The following CTNND2 variants were observed in gnomAD, a reference collection of about 807,000 sequenced individuals.
The protein encoded by CTNND2 is catenin delta-2.
Under a neutral mutation model 144.4 loss-of-function variants are expected in CTNND2, and 22 were observed. That is an observed-to-expected ratio of 0.15 (90% confidence interval 0.11 to 0.22). The LOEUF (loss-of-function observed/expected upper bound fraction) is 0.22, where lower values mean the gene tolerates loss of function less well. Among genes scored for constraint, CTNND2 ranks in the 10% least tolerant of loss-of-function variants. The probability of loss-of-function intolerance (pLI) is 1.00; values close to 1 mark genes in which losing one functional copy is unlikely to be tolerated. For missense variants in CTNND2, 1,353 were observed against 1,618.8 expected, an observed-to-expected ratio of 0.84 and a Z score of 2.82; for synonymous variants, 751 against 695.6, an observed-to-expected ratio of 1.08 and a Z score of -1.25.
chr5:11,896,967 A>C (rs1224082435), intron 1 of CTNND2, among the ~76,000 whole-genome samples: 2 of 152,190 alleles, frequency 1.3e-5, no homozygotes, highest in Non-Finnish European at 2.9e-5. Context: ...AATCTGATCC[A>C]GATGCTACAA....
At chr5:11,189,951 T>G (rs1450074466) in intron 11 of CTNND2, among the ~76,000 whole-genome samples, 1 of 152,076 alleles carries the variant, frequency 6.6e-6, no homozygotes, top group African/African-American at 2.4e-5. Context: ...TGCTGAGGGT[T>G]GTAAGTTTTT....
chr5:11,526,960 T>A (rs1773307387), intron 3 of CTNND2, among the ~76,000 whole-genome samples: 1 of 152,168 alleles, frequency 6.6e-6, no homozygotes, highest in Non-Finnish European at 1.5e-5. Context: ...CTTAATGACA[T>A]GCTAAGTGAA....
intron 1 of CTNND2, among the ~76,000 whole-genome samples, chr5:11,771,191 G>T (rs1477854097): frequency 5.6e-5 from 1 of 18,002 alleles, no homozygotes; most frequent in Non-Finnish European, 1.4e-4. Context: ...CACATTGTTA[G>T]CTTTTTTTTT....
At chr5:10,987,127 T>A (rs1267575641) in intron 20 of CTNND2, among the ~76,000 whole-genome samples, 1 of 152,134 alleles carries the variant, frequency 6.6e-6, no homozygotes, top group Non-Finnish European at 1.5e-5. Flanking sequence ...GGATGTGGGG[T>A]CCCCGTTGAA....
chr5:11,217,264 A>C (rs1386905675), intron 10 of CTNND2, among the ~76,000 whole-genome samples: 17 of 152,244 alleles, frequency 1.1e-4, no homozygotes, highest in Admixed American at 1.1e-3. Flanking sequence ...TTTTCAGATG[A>C]GTCATTCAAG....
chr5:11,451,301 A>G (rs918302426), intron 3 of CTNND2, among the ~76,000 whole-genome samples: 2 of 152,134 alleles, frequency 1.3e-5, no homozygotes, highest in Non-Finnish European at 2.9e-5. Context: ...GCATCACATT[A>G]CCCCAACATT....
intron 18 of CTNND2, among the ~76,000 whole-genome samples, chr5:11,011,339 G>A (rs1326211030): frequency 6.6e-6 from 1 of 152,012 alleles, no homozygotes; most frequent in African/African-American, 2.4e-5. Flanking sequence ...TCTGCCTCCC[G>A]AGTAGCTGGG....
At chr5:11,731,386 CA>C (rs1404664297) in intron 2 of CTNND2, among the ~76,000 whole-genome samples, 1 of 152,164 alleles carries the variant, frequency 6.6e-6, no homozygotes, top group Non-Finnish European at 1.5e-5. Flanking sequence ...GGTAAGTTGC[CA>C]ATTCAGCATC....
At chr5:11,721,121 T>A (rs917395146) in intron 2 of CTNND2, among the ~76,000 whole-genome samples, 1 of 152,196 alleles carries the variant, frequency 6.6e-6, no homozygotes, top group African/African-American at 2.4e-5. Flanking sequence ...TACAGTGGAA[T>A]ATTATTTGGC....
At chr5:11,202,953 T>TG (rs1268264314) in intron 10 of CTNND2, among the ~76,000 whole-genome samples, 1 of 152,114 alleles carries the variant, frequency 6.6e-6, no homozygotes, top group Non-Finnish European at 1.5e-5. Flanking sequence ...TACAGGCACA[T>TG]GCCATCACGT....
intron 3 of CTNND2, among the ~76,000 whole-genome samples, chr5:11,496,467 C>T (rs184592750): frequency 2.6e-4 from 40 of 152,272 alleles, no homozygotes; most frequent in African/African-American, 8.7e-4. Flanking sequence ...ATGCACATGA[C>T]GCAGAAAATA....
intron 8 of CTNND2, among the ~76,000 whole-genome samples, chr5:11,361,716 T>C (rs1367918438): frequency 6.6e-6 from 1 of 152,232 alleles, no homozygotes; most frequent in African/African-American, 2.4e-5. Flanking sequence ...TACCACCATC[T>C]TTTTCTATCT....
intron 3 of CTNND2, among the ~76,000 whole-genome samples, chr5:11,455,555 G>A (rs78503907): frequency 1.3e-5 from 2 of 152,142 alleles, no homozygotes; most frequent in African/African-American, 4.8e-5. Flanking sequence ...AGATTAAATG[G>A]CAAGACATGA....
intron 3 of CTNND2, among the ~76,000 whole-genome samples, chr5:11,446,824 G>A (rs1192836486): frequency 6.6e-6 from 1 of 152,084 alleles, no homozygotes; most frequent in African/African-American, 2.4e-5. Flanking sequence ...TGAGCAAGGG[G>A]GCCGTGGATA....
At chr5:11,000,414 G>A (rs912710272) in intron 18 of CTNND2, among the ~76,000 whole-genome samples, 2 of 152,244 alleles carry the variant, frequency 1.3e-5, no homozygotes, top group East Asian at 1.9e-4. Flanking sequence ...CCAGCTACTC[G>A]GGAGGCTGAG....
At chr5:11,791,967 C>T (rs1305465710) in intron 1 of CTNND2, among the ~76,000 whole-genome samples, 1 of 152,106 alleles carries the variant, frequency 6.6e-6, no homozygotes, top group Non-Finnish European at 1.5e-5. Context: ...GATGAGGATG[C>T]CATGCCAAGA....
intron 3 of CTNND2, among the ~76,000 whole-genome samples, chr5:11,534,459 G>A (rs1034697438): frequency 2.0e-5 from 3 of 152,026 alleles, no homozygotes; most frequent in African/African-American, 4.8e-5. Context: ...CAAAAAATTA[G>A]CTGTGCATGG....
Position 11,020,231 on chromosome 5 carries a change from G to GTA in CTNND2, c.3000-2175_3000-2174dup, listed in dbSNP as rs985829931. On this transcript the variant is annotated intron_variant, in intron 17 of 21. Coordinates refer to ENST00000304623, the MANE Select transcript of CTNND2 (RefSeq NM_001332.4). The stretch of plus-strand genomic sequence containing the variant: ...TTAACATCACTGCACATTTAAGCTT[G>GTA]TATATATATATATGTATATATAAAG... Among the ~76,000 whole-genome samples the GTA allele has an allele frequency of 1.9e-3, 288 of 151,190 alleles. 2 individuals are homozygous for GTA. The highest frequency in any genetic ancestry group is 5.0e-3 in the African/African-American group (206 of 41,218).
chr5:11,488,023 C>T (rs75260606), intron 3 of CTNND2, among the ~76,000 whole-genome samples: 2,515 of 152,268 alleles, frequency 0.017, 71 homozygotes, highest in African/African-American at 0.058. Context: ...GCTAGTTGTC[C>T]ACCCACACTC....
Sources: gnomAD v4.1 joint callset for allele counts (sites outside exome capture counted in the v4.1 genomes callset) on GRCh38, gnomAD v4.1.1 for gene constraint, MANE v1.5 for transcripts, NCBI Gene and HGNC (gene_info 2026-07-23, HGNC 2026-07-21) for gene names.